CTNNA3: variants seen among roughly 807,000 people sequenced by gnomAD.
CTNNA3 encodes catenin alpha 3.
A neutral mutation model predicts 95.7 loss-of-function variants in CTNNA3; 76 were observed. The ratio of observed to expected loss-of-function variants is 0.79; its 90% CI spans 0.66 to 0.96. The LOEUF is 0.96. Ranked by LOEUF, CTNNA3 falls within the 40% of genes least tolerant of loss-of-function variation. The pLI, the probability that CTNNA3 is intolerant of heterozygous loss-of-function variation, is 0.00. For missense variants in CTNNA3, 1,191 were observed against 1,089.8 expected (o/e 1.09, Z -1.31); for synonymous variants, 431 against 374.4 (o/e 1.15, Z -1.74).
chr10:66,523,030 T>C (rs2132027068), intron 10 of CTNNA3, among the ~76,000 whole-genome samples: 1 of 152,288 alleles, frequency 6.6e-6, no homozygotes, highest in East Asian at 1.9e-4. Flanking sequence ...TTGTTTCTTT[T>C]CTACAAAAGA....
chr10:66,633,679 C>G (rs1276520277), intron 9 of CTNNA3, among the ~76,000 whole-genome samples: 1 of 144,890 alleles, frequency 6.9e-6, no homozygotes, highest in Non-Finnish European at 1.5e-5. Context: ...GACTCCATCT[C>G]AAAAAAAAAA....
intron 7 of CTNNA3, among the ~76,000 whole-genome samples, chr10:66,879,866 T>C (rs1269463611): frequency 1.3e-5 from 2 of 152,064 alleles, no homozygotes; most frequent in African/African-American, 4.8e-5. Context: ...TGGAGATAGA[T>C]GCATAGGGAT....
intron 11 of CTNNA3, among the ~76,000 whole-genome samples, chr10:66,417,312 C>A (rs958792550): frequency 6.6e-6 from 1 of 151,794 alleles, no homozygotes; most frequent in Non-Finnish European, 1.5e-5. Context: ...ATAAAAGGAC[C>A]AATCTAGCAA....
chr10:66,055,956 T>C (rs2080078339), intron 15 of CTNNA3, among the ~76,000 whole-genome samples: 1 of 147,714 alleles, frequency 6.8e-6, no homozygotes, highest in Non-Finnish European at 1.5e-5. Context: ...TATAAAATCA[T>C]ATCATCTGCA....
At position 66,743,974 on chromosome 10, in the gene CTNNA3, CA is replaced by C. The variant is rs536825430; in HGVS notation, c.1281+22289del. 5.3e-3 allele frequency among the ~76,000 whole-genome samples: 238 copies of C among 45,046 alleles called. 1 individual carries two copies. The highest frequency in any genetic ancestry group is 0.013 in the African/African-American group (159 of 11,864). The allele number at this position is 45,046 out of a possible 152,430, so 29.6% of individuals were successfully genotyped here. A position where few individuals can be genotyped will look rare whatever the true frequency, so the allele number is the denominator to read the frequency against. On this transcript the variant is annotated intron_variant, in intron 9 of 17. Transcript: ENST00000433211. ...CTGGTGACACAGTGAGATTCCATCTCAAAAAAAAAAAAAAAAAAAAAAAAAG... is the reference window on the plus strand; with the variant it reads ...CTGGTGACACAGTGAGATTCCATCTCAAAAAAAAAAAAAAAAAAAAAAAAG...
At chr10:67,272,616 T>C (rs955966646) in intron 5 of CTNNA3, among the ~76,000 whole-genome samples, 1 of 152,304 alleles carries the variant, frequency 6.6e-6, no homozygotes, top group African/African-American at 2.4e-5. Flanking sequence ...GTTAATACTT[T>C]ATTAATTCAT....
At chr10:66,841,164 G>T (rs1220435426) in intron 7 of CTNNA3, among the ~76,000 whole-genome samples, 2 of 152,110 alleles carry the variant, frequency 1.3e-5, no homozygotes, top group Non-Finnish European at 2.9e-5. Flanking sequence ...TAATGAAAAA[G>T]GTTGAGGGCA....
chr10:66,610,669 T>C (rs185881782), intron 10 of CTNNA3, among the ~76,000 whole-genome samples: 2 of 152,204 alleles, frequency 1.3e-5, no homozygotes, highest in African/African-American at 4.8e-5. Context: ...TGCTCATACA[T>C]TGTTGGTGGG....
intron 1 of CTNNA3, among the ~76,000 whole-genome samples, chr10:67,746,092 A>C (rs1239916246): frequency 8.5e-5 from 13 of 152,212 alleles, no homozygotes; most frequent in Non-Finnish European, 1.0e-4. Context: ...TTTACATGGA[A>C]ACACAAAGGC....
At chr10:67,683,140 T>A (rs926555404) in intron 1 of CTNNA3, among the ~76,000 whole-genome samples, 1 of 152,238 alleles carries the variant, frequency 6.6e-6, no homozygotes, top group Non-Finnish European at 1.5e-5. Flanking sequence ...TAATCCCACA[T>A]TGGGAAAATA....
At chr10:67,730,226 G>A (rs1437036654) in intron 1 of CTNNA3, among the ~76,000 whole-genome samples, 1 of 151,942 alleles carries the variant, frequency 6.6e-6, no homozygotes, top group Non-Finnish European at 1.5e-5. Flanking sequence ...AAGCAGAGAG[G>A]TAAACAGATT....
intron 5 of CTNNA3, among the ~76,000 whole-genome samples, chr10:67,495,789 G>T (rs916328251): frequency 6.6e-6 from 1 of 152,120 alleles, no homozygotes; most frequent in Admixed American, 6.6e-5. Flanking sequence ...GGAGAAAATT[G>T]ATATTCCCAT....
intron 1 of CTNNA3, among the ~76,000 whole-genome samples, chr10:67,703,770 G>A (rs1292933175): frequency 2.0e-5 from 3 of 152,172 alleles, no homozygotes; most frequent in Non-Finnish European, 1.5e-5. Flanking sequence ...TGGAAGTCCT[G>A]GCCAGGGCAA....
chr10:66,648,790 C>A (rs984255637), intron 9 of CTNNA3, among the ~76,000 whole-genome samples: 1 of 152,008 alleles, frequency 6.6e-6, no homozygotes, highest in African/African-American at 2.4e-5. Flanking sequence ...AGAAGTTCTC[C>A]TTTAGATATG....
In CTNNA3 at chr10:67,464,836, T is replaced by C. The variant is rs1012460104; in HGVS notation, c.579+57006A>G. Among the ~76,000 whole-genome samples, 9 of 151,822 alleles carry C rather than the reference T, an allele frequency of 5.9e-5. No individual in the cohort carries two copies. In the South Asian group the frequency reaches 1.7e-3, roughly 28 times the overall value. On this transcript the variant is annotated intron_variant, in intron 5 of 17. Coordinates refer to ENST00000433211, the MANE Select transcript of CTNNA3 (RefSeq NM_013266.4). The stretch of plus-strand genomic sequence containing the variant: ...TAAAACCTTCCACATTGACCGTTTC[T>C]TATCATCCTCTTCAAAACTGTAGGT...
intron 7 of CTNNA3, among the ~76,000 whole-genome samples, chr10:67,063,449 T>C (rs1855881006): frequency 6.6e-6 from 1 of 152,138 alleles, no homozygotes; most frequent in South Asian, 2.1e-4. Context: ...TTATGAGTAC[T>C]CCAAGTTCCA....
chr10:67,654,012 G>C (rs1370470273), intron 1 of CTNNA3, among the ~76,000 whole-genome samples: 1 of 152,220 alleles, frequency 6.6e-6, no homozygotes, highest in Non-Finnish European at 1.5e-5. Flanking sequence ...GCAGCTGTTT[G>C]CCAATGAGTG....
chr10:66,307,491 T>C (rs1169630129), intron 12 of CTNNA3, among the ~76,000 whole-genome samples: 1 of 152,204 alleles, frequency 6.6e-6, no homozygotes, highest in African/African-American at 2.4e-5. Context: ...GATATTAGAA[T>C]ATGTAAGTGG....
intron 5 of CTNNA3, among the ~76,000 whole-genome samples, chr10:67,266,629 A>C (rs970606297): frequency 2.6e-5 from 4 of 152,178 alleles, no homozygotes; most frequent in African/African-American, 9.6e-5. Context: ...GTGAGTAACT[A>C]TCATGATAAG....
Sources: allele counts gnomAD v4.1 joint callset (sites outside exome capture counted in the v4.1 genomes callset), GRCh38; gene constraint gnomAD v4.1.1; transcripts MANE v1.5; gene names NCBI Gene and HGNC (gene_info 2026-07-23, HGNC 2026-07-21).